The following ANO3 variants were observed in gnomAD, a reference collection of about 807,000 sequenced individuals.
ANO3 encodes anoctamin 3, also known as anoctamin-3.
Under a neutral mutation model 144.8 loss-of-function variants are expected in ANO3, and 99 were observed. That is an observed-to-expected ratio of 0.68 (90% CI 0.58 to 0.81). The LOEUF (loss-of-function observed/expected upper bound fraction) is 0.81, where lower values mean the gene tolerates loss of function less well. Among genes scored for constraint, ANO3 ranks in the 30% least tolerant of loss-of-function variants. ANO3 has a pLI of 0.00. For synonymous variants in ANO3, 414 were observed against 392.6 expected (o/e 1.05, Z -0.64); for missense variants, 905 against 1,202.2 (o/e 0.75, Z 3.66).
rs556243542 is a variant in ANO3, at chr11:26,576,751, G to A, written c.1447+16972G>A. 5.3e-5 allele frequency among the ~76,000 whole-genome samples: 8 copies of A among 152,202 alleles called. No individual in the cohort carries two copies. In the South Asian group the frequency reaches 8.3e-4, roughly 16 times the overall value. ...AGTCCCATACTAGAAAAGTCAGCTC[G>A]TGACAGCTTACGTTTTTGTCTGTTT... On this transcript the variant is annotated intron_variant, in intron 14 of 26. Coordinates refer to ENST00000256737, the MANE Select transcript of ANO3 (RefSeq NM_031418.4).
chr11:26,350,288 G>T (rs1001413127), intron 1 of ANO3, among the ~76,000 whole-genome samples: 2 of 152,092 alleles, frequency 1.3e-5, no homozygotes, highest in Non-Finnish European at 2.9e-5. Flanking sequence ...GGTGGGCCCC[G>T]CACAAGTATG....
At chr11:26,487,256 G>A (rs1860489538) in intron 4 of ANO3, among the ~76,000 whole-genome samples, 1 of 152,176 alleles carries the variant, frequency 6.6e-6, no homozygotes, top group African/African-American at 2.4e-5. Flanking sequence ...TAAATCTCAA[G>A]AGATCTGATG....
intron 17 of ANO3, among the ~76,000 whole-genome samples, chr11:26,608,788 C>G (rs11823103): frequency 0.26 from 38,912 of 152,020 alleles, 5,102 homozygotes; most frequent in Middle Eastern, 0.31. Context: ...AACCGTCCAG[C>G]CTCCCTGGCT....
chr11:26,301,715 G>A (rs539041292), intron 1 of ANO3, among the ~76,000 whole-genome samples: 48 of 152,286 alleles, frequency 3.2e-4, no homozygotes, highest in African/African-American at 1.1e-3. Context: ...CATACCTACA[G>A]TTGCAAAAAC....
intron 1 of ANO3, among the ~76,000 whole-genome samples, chr11:26,344,841 C>T (rs1855459691): frequency 6.6e-6 from 1 of 152,050 alleles, no homozygotes. Context: ...AAGAAAGCAC[C>T]CACTCAGACG....
chr11:26,643,412 A>G (rs1351477970), intron 23 of ANO3, 78 bp downstream of exon 23: 2 of 1,539,096 alleles, frequency 1.3e-6, no homozygotes, highest in South Asian at 1.2e-5. Flanking sequence ...CCCCAGATTC[A>G]TATGTTGAAA....
At chr11:26,325,046 A>T (rs1156305804) in intron 1 of ANO3, among the ~76,000 whole-genome samples, 1 of 152,164 alleles carries the variant, frequency 6.6e-6, no homozygotes, top group African/African-American at 2.4e-5. Flanking sequence ...TTAACATGCA[A>T]ACTTTCCTGA....
At chr11:26,208,998 C>T (rs149637283) in intron 1 of ANO3, among the ~76,000 whole-genome samples, 3 of 152,108 alleles carry the variant, frequency 2.0e-5, no homozygotes, top group East Asian at 1.9e-4. Flanking sequence ...CAAGTTTTCT[C>T]ATTTTTTAAA....
chr11:26,433,304 G>C (rs1858183876), intron 1 of ANO3, among the ~76,000 whole-genome samples: 2 of 152,122 alleles, frequency 1.3e-5, no homozygotes, highest in African/African-American at 2.4e-5. Flanking sequence ...TGAGACTATG[G>C]AGTTTTCTAC....
intron 6 of ANO3, among the ~76,000 whole-genome samples, 189 bp from the exon 7 acceptor site, chr11:26,525,446 G>C (rs189592791): frequency 2.6e-5 from 4 of 152,078 alleles, no homozygotes; most frequent in Admixed American, 2.0e-4. Context: ...TAGTATCTTA[G>C]ATTCTGAAAT....
At chr11:26,372,067 A>C (rs2133939293) in intron 1 of ANO3, among the ~76,000 whole-genome samples, 1 of 152,256 alleles carries the variant, frequency 6.6e-6, no homozygotes, top group East Asian at 1.9e-4. Context: ...TCCCCACCCA[A>C]ATCTCATCTT....
At chr11:26,630,912 T>C (rs996548902) in intron 18 of ANO3, among the ~76,000 whole-genome samples, 1 of 152,040 alleles carries the variant, frequency 6.6e-6, no homozygotes, top group African/African-American at 2.4e-5. Flanking sequence ...AATAAGAGTT[T>C]CATAGAATCA....
chr11:26,555,961 A>G (rs1298692060), intron 13 of ANO3, among the ~76,000 whole-genome samples: 1 of 152,184 alleles, frequency 6.6e-6, no homozygotes, highest in Non-Finnish European at 1.5e-5. Flanking sequence ...AAAGAAAAAT[A>G]AATTAAATTT....
intron 4 of ANO3, among the ~76,000 whole-genome samples, chr11:26,505,118 G>C (rs928628039): frequency 3.3e-5 from 5 of 151,832 alleles, no homozygotes; most frequent in African/African-American, 1.2e-4. Flanking sequence ...TTAGACCAGA[G>C]TGGTAGTAAT....
intron 1 of ANO3, chr11:26,309,783 G>A (rs1482555830): frequency 4.8e-6 from 4 of 839,432 alleles, no homozygotes; most frequent in Non-Finnish European, 5.7e-6. Flanking sequence ...TAATGTGGTA[G>A]CAACTCCAGA....
intron 4 of ANO3, among the ~76,000 whole-genome samples, chr11:26,504,271 AT>A (rs34319034): frequency 0.96 from 146,802 of 152,136 alleles, 71,021 homozygotes; most frequent in East Asian, 1. Context: ...TGACCACATG[AT>A]TTTTTTTAGG....
chr11:26,352,279 A>G (rs1291252527), intron 1 of ANO3, among the ~76,000 whole-genome samples: 1 of 152,220 alleles, frequency 6.6e-6, no homozygotes, highest in East Asian at 1.9e-4. Context: ...CTTAGAGCAA[A>G]TAGTCATCCA....
At chr11:26,650,791 G>T (rs1853507190) in intron 24 of ANO3, among the ~76,000 whole-genome samples, 1 of 152,042 alleles carries the variant, frequency 6.6e-6, no homozygotes, top group Non-Finnish European at 1.5e-5. Flanking sequence ...CGTAATGGTC[G>T]TCTCAAAGAA....
At chr11:26,568,611 G>A (rs1257249336) in intron 14 of ANO3, among the ~76,000 whole-genome samples, 3 of 151,810 alleles carry the variant, frequency 2.0e-5, no homozygotes, top group Non-Finnish European at 2.9e-5. Context: ...TGCTTTTGCT[G>A]TAATTTAAGA....
Sources: gnomAD v4.1 joint callset for allele counts (sites outside exome capture counted in the v4.1 genomes callset) on GRCh38, gnomAD v4.1.1 for gene constraint, MANE v1.5 for transcripts, NCBI Gene and HGNC (gene_info 2026-07-23, HGNC 2026-07-21) for gene names.